ZDHHC14: variants seen among roughly 807,000 people sequenced by gnomAD.
The protein encoded by ZDHHC14 is zDHHC palmitoyltransferase 14.
ZDHHC14 carries 16 observed loss-of-function variants against 47.7 expected under a neutral mutation model. The ratio of observed to expected loss-of-function variants is 0.34; its 90% CI spans 0.23 to 0.51. The LOEUF (loss-of-function observed/expected upper bound fraction) is 0.51, where lower values mean the gene tolerates loss of function less well. Ranked by LOEUF, ZDHHC14 falls within the 20% of genes least tolerant of loss-of-function variation. The pLI is 0.97. For missense variants in ZDHHC14, 515 were observed against 662.5 expected (o/e 0.78, Z 2.44); for synonymous variants, 293 against 278.9 (o/e 1.05, Z -0.50).
At chr6:157,583,965 G>A in intron 2 of ZDHHC14, among the ~76,000 whole-genome samples, 1 of 138,690 alleles carries the variant, frequency 7.2e-6, no homozygotes, top group Non-Finnish European at 1.5e-5. Context: ...ACCCTTTCCA[G>A]TGATGAGCAG....
chr6:157,531,329 G>C (rs1324529260), intron 1 of ZDHHC14, among the ~76,000 whole-genome samples: 1 of 152,046 alleles, frequency 6.6e-6, no homozygotes, highest in Non-Finnish European at 1.5e-5. Context: ...CCAGTCCAGG[G>C]AGGATTACAC....
chr6:157,612,448 C>G (rs965474292), intron 3 of ZDHHC14, among the ~76,000 whole-genome samples: 1 of 152,238 alleles, frequency 6.6e-6, no homozygotes, highest in Admixed American at 6.5e-5. Flanking sequence ...TGGGCTCCAG[C>G]CCCGAGGTCT....
intron 2 of ZDHHC14, among the ~76,000 whole-genome samples, chr6:157,571,592 T>A (rs1303048305): frequency 6.6e-6 from 1 of 152,196 alleles, no homozygotes; most frequent in Non-Finnish European, 1.5e-5. Context: ...TTCTCTTTTG[T>A]CTGTGTTTTT....
chr6:157,658,398 G>A (rs909287662), intron 8 of ZDHHC14, among the ~76,000 whole-genome samples: 9 of 152,156 alleles, frequency 5.9e-5, no homozygotes, highest in African/African-American at 1.9e-4. Flanking sequence ...GATTAGGAGG[G>A]CAGAGACAAC....
Position 157,562,674 on chromosome 6 carries a change from C to T in ZDHHC14, c.406+19929C>T, listed in dbSNP as rs565497496. Among the ~76,000 whole-genome samples the T allele has an allele frequency of 2.0e-5, 3 of 152,348 alleles. No homozygotes were observed. In the South Asian group the frequency reaches 6.2e-4, roughly 32 times the overall value. On this transcript the variant is annotated intron_variant, in intron 2 of 8. Coordinates refer to ENST00000359775, the MANE Select transcript of ZDHHC14 (RefSeq NM_024630.3). ...TCCAGGCCCAGTCCTGAGCTCACCA[C>T]CCAGAGTCTGTTGGAGACAGGACCT...
chr6:157,626,629 AG>A lies in ZDHHC14; in HGVS notation c.566-1719del, dbSNP rs1186542239. On this transcript the variant is annotated intron_variant, in intron 3 of 8. Coordinates refer to ENST00000359775, the MANE Select transcript of ZDHHC14 (RefSeq NM_024630.3). ...CCCCATTATCAACATCTCCCATCATAGTGGATAAATTTGGCAGGATTGATGA... is the reference window on the plus strand; with the variant it reads ...CCCCATTATCAACATCTCCCATCATATGGATAAATTTGGCAGGATTGATGA... 2.6e-5 allele frequency among the ~76,000 whole-genome samples: 4 copies of A among 151,934 alleles called. No homozygotes were observed. In the East Asian group the frequency reaches 7.7e-4, roughly 29 times the overall value.
intron 3 of ZDHHC14, among the ~76,000 whole-genome samples, chr6:157,600,298 G>A (rs984899790): frequency 3.9e-5 from 6 of 152,140 alleles, no homozygotes; most frequent in African/African-American, 1.4e-4. Context: ...GACATGGAAG[G>A]ATGTATTCCA....
At chr6:157,556,349 C>T (rs1452642360) in intron 2 of ZDHHC14, among the ~76,000 whole-genome samples, 1 of 152,220 alleles carries the variant, frequency 6.6e-6, no homozygotes, top group Non-Finnish European at 1.5e-5. Flanking sequence ...CATCAGTCCT[C>T]TCGGCAGCCC....
chr6:157,419,317 T>C (rs950731866), intron 1 of ZDHHC14, among the ~76,000 whole-genome samples: 4 of 152,260 alleles, frequency 2.6e-5, no homozygotes, highest in African/African-American at 9.6e-5. Context: ...CCTAATGTCA[T>C]GTGCCCATCA....
At chr6:157,617,947 C>A (rs1347083473) in intron 3 of ZDHHC14, among the ~76,000 whole-genome samples, 1 of 152,198 alleles carries the variant, frequency 6.6e-6, no homozygotes, top group East Asian at 1.9e-4. Flanking sequence ...GAAAGCATTA[C>A]AAATGCGTCA....
In ZDHHC14 at chr6:157,674,564, AG is replaced by A. The variant is rs1378878034; in HGVS notation, c.*1443del. On this transcript the variant is annotated 3_prime_UTR_variant, in exon 9 of 9. Coordinates refer to ENST00000359775, the MANE Select transcript of ZDHHC14 (RefSeq NM_024630.3). The stretch of plus-strand genomic sequence containing the variant: ...TCCAGACCATAAATCTAACAGCTAA[AG>A]CTACTCAAGTTCAAAGCCATGGCCT... 6.6e-6 allele frequency: 1 copy of A among 152,224 alleles called. No homozygotes were observed. The highest frequency in any genetic ancestry group is 2.4e-5 in the African/African-American group (1 of 41,432). 9.4% of individuals were successfully genotyped at this position (152,224 alleles called of 1,614,324 possible).
intron 2 of ZDHHC14, among the ~76,000 whole-genome samples, chr6:157,572,978 A>T (rs1481886141): frequency 6.6e-6 from 1 of 151,926 alleles, no homozygotes; most frequent in Non-Finnish European, 1.5e-5. Context: ...TTCTTATCCT[A>T]CAAATGCCTT....
intron 3 of ZDHHC14, among the ~76,000 whole-genome samples, chr6:157,618,821 G>T (rs988756907): frequency 6.6e-6 from 1 of 152,132 alleles, no homozygotes; most frequent in African/African-American, 2.4e-5. Context: ...TTGGGGAATT[G>T]TGGGATTTCC....
At chr6:157,648,293 CAG>C (rs945930092) in intron 7 of ZDHHC14, among the ~76,000 whole-genome samples, 4 of 152,158 alleles carry the variant, frequency 2.6e-5, no homozygotes, top group African/African-American at 7.2e-5. Context: ...ATGTGTAAAA[CAG>C]GGAGAAATGA....
Position 157,592,305 on chromosome 6 carries a change from T to C in ZDHHC14, c.407-683T>C, listed in dbSNP as rs375421449. Reference sequence around the variant, plus strand: ...AACTGGTTCTAAAAATTAAAGGTGCTATTGAGATGATAAAATGTAGAAATG... The same window carrying C: ...AACTGGTTCTAAAAATTAAAGGTGCCATTGAGATGATAAAATGTAGAAATG... On this transcript the variant is annotated intron_variant, in intron 2 of 8. Coordinates refer to ENST00000359775, the MANE Select transcript of ZDHHC14 (RefSeq NM_024630.3). 7.1e-4 allele frequency among the ~76,000 whole-genome samples: 108 copies of C among 152,328 alleles called. 3 individuals carry two copies. In the South Asian group the frequency reaches 0.022, roughly 31 times the overall value.
At chr6:157,486,467 C>T (rs1779780406) in intron 1 of ZDHHC14, among the ~76,000 whole-genome samples, 1 of 152,220 alleles carries the variant, frequency 6.6e-6, no homozygotes, top group South Asian at 2.1e-4. Context: ...AATTCGAATT[C>T]TCACTTCTGT....
intron 1 of ZDHHC14, among the ~76,000 whole-genome samples, chr6:157,428,016 G>T (rs760567188): frequency 2.6e-5 from 4 of 152,142 alleles, no homozygotes; most frequent in African/African-American, 9.7e-5. Flanking sequence ...AATAGGGATC[G>T]TGAATAGAGG....
chr6:157,630,879 TAC>T lies in ZDHHC14; in HGVS notation c.704-1947_704-1946del, dbSNP rs543236556. 564 of 136,814 alleles carry T rather than the reference TAC, an allele frequency of 4.1e-3. 2 individuals carry two copies. Among genetic ancestry groups the T allele is most frequent in the Non-Finnish European group, 6.1e-3 (396 of 65,006 alleles). 8.5% of individuals were successfully genotyped at this position (136,814 alleles called of 1,614,324 possible). ...CAATAAGCTCACACACACATAGCCTTACACACACATCCTTACCCACATTTACA... is the reference window on the plus strand; with the variant it reads ...CAATAAGCTCACACACACATAGCCTTACACACATCCTTACCCACATTTACA... On this transcript the variant is annotated intron_variant, in intron 4 of 8. Coordinates refer to ENST00000359775, the MANE Select transcript of ZDHHC14 (RefSeq NM_024630.3).
intron 2 of ZDHHC14, among the ~76,000 whole-genome samples, chr6:157,560,747 G>A (rs947760863): frequency 6.6e-6 from 1 of 152,186 alleles, no homozygotes; most frequent in African/African-American, 2.4e-5. Context: ...CTTACTCATT[G>A]CCTTGGCCTT....
Sources: gnomAD v4.1 joint callset for allele counts (sites outside exome capture counted in the v4.1 genomes callset) on GRCh38, gnomAD v4.1.1 for gene constraint, MANE v1.5 for transcripts, NCBI Gene and HGNC (gene_info 2026-07-23, HGNC 2026-07-21) for gene names.